Variants in CCDC34 observed in about 807,000 individuals in gnomAD.
CCDC34 encodes the protein coiled-coil domain-containing protein 34.
Under a neutral mutation model 44.1 loss-of-function variants are expected in CCDC34, and 40 were observed. The ratio of observed to expected loss-of-function variants is 0.91; its 90% CI spans 0.70 to 1.18. The LOEUF (loss-of-function observed/expected upper bound fraction) is 1.18. Ranked by LOEUF, CCDC34 falls within the 50% of genes most tolerant of loss-of-function variation. The pLI, the probability that CCDC34 is intolerant of heterozygous loss-of-function variation, is 0.00. For synonymous variants in CCDC34, 159 were observed against 158.2 expected (o/e 1.01, Z -0.04); for missense variants, 466 against 452.3 (o/e 1.03, Z -0.28).
At chr11:27,343,005 T>C (rs1011437044) in intron 3 of CCDC34, among the ~76,000 whole-genome samples, 30 of 152,168 alleles carry the variant, frequency 2.0e-4, no homozygotes, top group Admixed American at 1.3e-4. Flanking sequence ...GAAAGCAGCT[T>C]ATAGAATACA....
At chr11:27,350,221 GAAGA>G (rs1299716563) in intron 3 of CCDC34, 107 bp downstream of exon 3, 1 of 1,588,924 alleles carries the variant, frequency 6.3e-7, no homozygotes, top group Admixed American at 1.8e-5. Context: ...ACAAGCCAAA[GAAGA>G]AAGACTCTAA....
At position 27,340,738 on chromosome 11, in the gene CCDC34, G is replaced by A. The variant is rs1862343506; in HGVS notation, c.865C>T (p.Pro289Ser). The change falls in exon 5 of 6, where the codon CCA becomes TCA. Residue 289 changes from proline to serine, a missense_variant. Pro to Ser is a moderately conservative substitution (Grantham distance 74, BLOSUM62 -1). Transcript: ENST00000328697. ...WLENAKHKPR[P>S]AAKSYGYANG... ...GCATAACCATAGCTCTTTGCAGCTGGACGAGGTTTATGTTTCGCATTTTCC... is the reference window on the plus strand; with the variant it reads ...GCATAACCATAGCTCTTTGCAGCTGAACGAGGTTTATGTTTCGCATTTTCC... 6.2e-7 allele frequency: 1 copy of A among 1,613,758 alleles called. No individual in the cohort carries two copies. The highest frequency in any genetic ancestry group is 8.5e-7 in the Non-Finnish European group (1 of 1,179,842).
At chr11:27,349,308 T>C in intron 3 of CCDC34, 1 of 917,970 alleles carries the variant, frequency 1.1e-6, no homozygotes, top group Non-Finnish European at 1.3e-6. Flanking sequence ...TGAAGTAAAC[T>C]TTTTTAAAAA....
intron 1 of CCDC34, among the ~76,000 whole-genome samples, chr11:27,359,487 CT>C (rs56309926): frequency 0.23 from 34,655 of 149,604 alleles, 4,271 homozygotes; most frequent in Non-Finnish European, 0.29. Context: ...CATTTTTTTT[CT>C]TTTTTTTTTC....
intron 1 of CCDC34, among the ~76,000 whole-genome samples, chr11:27,360,081 C>T (rs1862640188): frequency 6.6e-6 from 1 of 152,294 alleles, no homozygotes; most frequent in Middle Eastern, 3.4e-3. Flanking sequence ...AAATTTCCTT[C>T]CTTAATATTT....
At chr11:27,362,517 C>T (rs781398134) in intron 1 of CCDC34, among the ~76,000 whole-genome samples, 2 of 152,214 alleles carry the variant, frequency 1.3e-5, no homozygotes, top group Non-Finnish European at 1.5e-5. Context: ...AGTGCACAAT[C>T]TGGCTTTTGA....
At chr11:27,353,163 CCTA>C (rs1480430385) in intron 2 of CCDC34, among the ~76,000 whole-genome samples, 3 of 152,034 alleles carry the variant, frequency 2.0e-5, no homozygotes, top group Non-Finnish European at 4.4e-5. Flanking sequence ...ATAGGTTTTG[CCTA>C]CTTTCAAATA....
rs773019149 is a variant in CCDC34, at chr11:27,341,425, A to AT, written c.731dup (p.Asn244LysfsTer3). 3.4e-5 allele frequency: 50 copies of AT among 1,461,520 alleles called. No homozygotes were observed. The highest frequency in any genetic ancestry group is 1.2e-4 in the East Asian group (5 of 41,972). The allele number at this position is 1,461,520 out of a possible 1,614,324, so 90.5% of individuals were successfully genotyped here. On this transcript the variant is annotated frameshift_variant, in exon 4 of 6. Transcript: ENST00000328697. LOFTEE classifies it high-confidence loss of function. ...TCTTCTTCCTCTCACATTCTTCAGC[A>AT]TTTTTTTTCTTTAACCATTCTTGAT...
chr11:27,354,977 T>C (rs1862554736), intron 2 of CCDC34, among the ~76,000 whole-genome samples: 2 of 152,144 alleles, frequency 1.3e-5, no homozygotes, highest in African/African-American at 4.8e-5. Flanking sequence ...TTTTCTAATG[T>C]CACAGAATTA....
intron 1 of CCDC34, among the ~76,000 whole-genome samples, chr11:27,358,202 C>T (rs1590331468): frequency 6.6e-6 from 1 of 152,098 alleles, no homozygotes; most frequent in East Asian, 1.9e-4. Context: ...CCACCATGCA[C>T]CTCTGTCAGT....
intron 3 of CCDC34, chr11:27,349,501 A>G (rs1862476048): frequency 1.1e-6 from 1 of 901,398 alleles, no homozygotes; most frequent in Admixed American, 6.2e-5. Context: ...AGTTAGAATT[A>G]AAATTTAAAA....
intron 1 of CCDC34, among the ~76,000 whole-genome samples, chr11:27,360,035 T>C (rs1011835098): frequency 6.6e-6 from 1 of 152,208 alleles, no homozygotes; most frequent in African/African-American, 2.4e-5. Context: ...ATCAGATCAG[T>C]GGGCTTTTCT....
In CCDC34 at chr11:27,338,523, T is replaced by C. The variant is rs79626653; in HGVS notation, c.*298A>G. 8,549 of 276,632 alleles carry C rather than the reference T, an allele frequency of 0.031. 155 individuals are homozygous for C. The highest frequency in any genetic ancestry group is 0.058 in the Middle Eastern group (52 of 892). The allele number at this position is 276,632 out of a possible 1,614,324, so 17.1% of individuals were successfully genotyped here. A position where few individuals can be genotyped will look rare whatever the true frequency, so the allele number is the denominator to read the frequency against. On this transcript the variant is annotated 3_prime_UTR_variant, in exon 6 of 6. Transcript: ENST00000328697. Reference sequence around the variant, plus strand: ...ACAATATAAAACAATACAAGAAAAATTGTTAGTTTTATTGGTATTACAGTG... The same window carrying C: ...ACAATATAAAACAATACAAGAAAAACTGTTAGTTTTATTGGTATTACAGTG...
chr11:27,354,797 T>C (rs116857171), intron 2 of CCDC34, among the ~76,000 whole-genome samples: 5,136 of 151,062 alleles, frequency 0.034, 86 homozygotes, highest in Middle Eastern at 0.086. Flanking sequence ...AGGTCAAAGC[T>C]GCAGTGAGCT....
intron 4 of CCDC34, among the ~76,000 whole-genome samples, chr11:27,341,079 T>A (rs184485597): frequency 4.6e-4 from 70 of 152,278 alleles, no homozygotes; most frequent in African/African-American, 1.7e-3. Context: ...TTTGCTGTTT[T>A]CAAAGAATAG....
At chr11:27,347,592 G>A (rs1862451474) in intron 3 of CCDC34, among the ~76,000 whole-genome samples, 1 of 151,932 alleles carries the variant, frequency 6.6e-6, no homozygotes. Flanking sequence ...TGAAATATCA[G>A]GATAAGTTTT....
At chr11:27,348,240 T>C (rs753490126) in intron 3 of CCDC34, among the ~76,000 whole-genome samples, 16 of 152,204 alleles carry the variant, frequency 1.1e-4, no homozygotes, top group Admixed American at 5.9e-4. Context: ...GCTGAGTAAA[T>C]ATTTGTTGAA....
intron 2 of CCDC34, among the ~76,000 whole-genome samples, chr11:27,351,961 C>G (rs1461724851): frequency 6.6e-6 from 1 of 151,972 alleles, no homozygotes; most frequent in Non-Finnish European, 1.5e-5. Context: ...ACAAGAATAC[C>G]CGGCAAAAGG....
rs1590320331 is a variant in CCDC34 at position 27,338,584 on chromosome 11, T to C, written c.*237A>G. On this transcript the variant is annotated 3_prime_UTR_variant, in exon 6 of 6. Coordinates refer to ENST00000328697, the MANE Select transcript of CCDC34 (RefSeq NM_030771.2). Reference sequence around the variant, plus strand: ...ACAAGCTAAATACAAACACAATTCTTACATATTCAGCCACTTATTCTGCAA... The same window carrying C: ...ACAAGCTAAATACAAACACAATTCTCACATATTCAGCCACTTATTCTGCAA... 1.3e-5 allele frequency: 6 copies of C among 462,730 alleles called. No homozygotes were observed. In the East Asian group the frequency reaches 2.5e-4, roughly 20 times the overall value. 28.7% of individuals were successfully genotyped at this position (462,730 alleles called of 1,614,324 possible).
Sources: allele counts gnomAD v4.1 joint callset (sites outside exome capture counted in the v4.1 genomes callset), GRCh38; gene constraint gnomAD v4.1.1; transcripts MANE v1.5; gene names NCBI Gene and HGNC (gene_info 2026-07-23, HGNC 2026-07-21).